SLC24A2: variants seen among roughly 807,000 people sequenced by gnomAD.
The protein encoded by SLC24A2 is solute carrier family 24 member 2.
Under a neutral mutation model 62.0 loss-of-function variants are expected in SLC24A2, and 36 were observed. The ratio of observed to expected loss-of-function variants is 0.58; its 90% CI spans 0.44 to 0.77. The LOEUF (loss-of-function observed/expected upper bound fraction) is 0.77. Among genes scored for constraint, SLC24A2 ranks in the 30% least tolerant of loss-of-function variants. The probability of loss-of-function intolerance (pLI) is 0.00; values close to 1 mark genes in which losing one functional copy is unlikely to be tolerated. For synonymous variants in SLC24A2, 358 were observed against 294.0 expected, an observed-to-expected ratio of 1.22 and a Z score of -2.23; for missense variants, 846 against 817.9, an observed-to-expected ratio of 1.03 and a Z score of -0.42.
chr9:20,135,370 T>C, the SLC24A2 span, among the ~76,000 whole-genome samples: 194 of 116,150 alleles, frequency 1.7e-3, 2 homozygotes, highest in African/African-American at 6.6e-3. Flanking sequence ...TTTTAATTTT[T>C]AATTACAATT....
At chr9:20,231,913 A>G in the SLC24A2 span, among the ~76,000 whole-genome samples, 1 of 152,188 alleles carries the variant, frequency 6.6e-6, no homozygotes, top group South Asian at 2.1e-4. Flanking sequence ...TGTCCCATCA[A>G]TATCTAATTT....
At chr9:19,818,028 A>G in the SLC24A2 span, among the ~76,000 whole-genome samples, 1 of 152,134 alleles carries the variant, frequency 6.6e-6, no homozygotes, top group East Asian at 1.9e-4. Context: ...CTTTACAGGC[A>G]TGAGCCACCA....
At chr9:20,291,659 A>G in the SLC24A2 span, among the ~76,000 whole-genome samples, 1 of 152,086 alleles carries the variant, frequency 6.6e-6, no homozygotes, top group East Asian at 1.9e-4. Context: ...CTGTGCCATC[A>G]CCTTCTTGTT....
At chr9:19,938,005 C>A in the SLC24A2 span, among the ~76,000 whole-genome samples, 3 of 152,038 alleles carry the variant, frequency 2.0e-5, no homozygotes, top group Non-Finnish European at 4.4e-5. Context: ...AAAAACAGTA[C>A]AGAATAGAAA....
At chr9:19,817,797 A>G in the SLC24A2 span, among the ~76,000 whole-genome samples, 4 of 152,072 alleles carry the variant, frequency 2.6e-5, no homozygotes, top group Non-Finnish European at 5.9e-5. Context: ...TGGTACAACC[A>G]TAGCTCACTG....
chr9:19,685,874 T>A (rs982271820), intron 2 of SLC24A2, among the ~76,000 whole-genome samples: 1 of 152,004 alleles, frequency 6.6e-6, no homozygotes, highest in South Asian at 2.1e-4. Flanking sequence ...CATTTCATGA[T>A]GAAGATGCCA....
chr9:19,888,416 T>C, the SLC24A2 span, among the ~76,000 whole-genome samples: 2 of 152,278 alleles, frequency 1.3e-5, no homozygotes, highest in East Asian at 3.9e-4. Flanking sequence ...CTGAAGAGTA[T>C]GCACCAAGCA....
At chr9:20,149,915 T>C in the SLC24A2 span, among the ~76,000 whole-genome samples, 2 of 152,034 alleles carry the variant, frequency 1.3e-5, no homozygotes, top group African/African-American at 4.8e-5. Flanking sequence ...TCACGGGTGA[T>C]AGTCATTAGT....
chr9:19,538,107 A>C (rs1299502629), intron 8 of SLC24A2, among the ~76,000 whole-genome samples: 3 of 39,444 alleles, frequency 7.6e-5, no homozygotes, highest in African/African-American at 3.6e-4. Context: ...TTTTGGGCTG[A>C]GACGATGGGG....
At chr9:19,959,269 G>A in the SLC24A2 span, among the ~76,000 whole-genome samples, 1 of 152,148 alleles carries the variant, frequency 6.6e-6, no homozygotes, top group South Asian at 2.1e-4. Flanking sequence ...CCCAATTGTG[G>A]CATGCAGAGA....
rs527393634 is a variant in SLC24A2 at position 19,632,550 on chromosome 9, C to T, written c.931-10251G>A. ...ATATGAAATCCTTGCTGACCTTTAT[C>T]GAGCACTAACTACAGTTGAAATACT... On this transcript the variant is annotated intron_variant, in intron 2 of 10. Coordinates refer to ENST00000341998, the MANE Select transcript of SLC24A2 (RefSeq NM_020344.4). The surrounding 1 kb of genome is among the most constrained non-coding windows in gnomAD (Gnocchi z 4.5). Among the ~76,000 whole-genome samples the T allele has an allele frequency of 1.6e-4, 24 of 152,190 alleles. No individual in the cohort carries two copies. The highest frequency in any genetic ancestry group is 5.8e-4 in the East Asian group (3 of 5,208).
chr9:20,008,338 T>C, the SLC24A2 span, among the ~76,000 whole-genome samples: 5 of 151,998 alleles, frequency 3.3e-5, no homozygotes, highest in Non-Finnish European at 5.9e-5. Flanking sequence ...TCTACAGAGG[T>C]GTCTTTGGAC....
Position 19,529,132 on chromosome 9 carries a change from CTT to C in SLC24A2, c.1480-996_1480-995del, listed in dbSNP as rs368483239. 1.1e-3 allele frequency among the ~76,000 whole-genome samples: 165 copies of C among 152,252 alleles called. 1 individual carries two copies. Among genetic ancestry groups the C allele is most frequent in the Middle Eastern group, 6.8e-3 (2 of 294 alleles). ...GCCTCTTGCCTATTATTGCCAAACA[CTT>C]TATTTGAAAGCTTTCCACGTTGAGA... On this transcript the variant is annotated intron_variant, in intron 8 of 10. Transcript: ENST00000341998.
At chr9:19,851,672 G>A in the SLC24A2 span, among the ~76,000 whole-genome samples, 2 of 152,084 alleles carry the variant, frequency 1.3e-5, no homozygotes, top group Non-Finnish European at 2.9e-5. Context: ...TCCTTTTTAT[G>A]GCTGCATAGT....
the SLC24A2 span, among the ~76,000 whole-genome samples, chr9:19,849,202 G>T: frequency 6.6e-6 from 1 of 152,244 alleles, no homozygotes; most frequent in South Asian, 2.1e-4. Context: ...GATAAAGTCA[G>T]TGAATGAGGC....
chr9:20,238,223 C>G, the SLC24A2 span, among the ~76,000 whole-genome samples: 1 of 152,156 alleles, frequency 6.6e-6, no homozygotes, highest in African/African-American at 2.4e-5. Context: ...CCCTCACATC[C>G]ACTCTAAGAG....
At chr9:20,158,754 T>C in the SLC24A2 span, among the ~76,000 whole-genome samples, 2 of 151,556 alleles carry the variant, frequency 1.3e-5, no homozygotes, top group Non-Finnish European at 1.5e-5. Flanking sequence ...TTGGTGCACT[T>C]ATAATGGGAG....
chr9:19,815,824 C>T, the SLC24A2 span, among the ~76,000 whole-genome samples: 1,338 of 152,214 alleles, frequency 8.8e-3, 25 homozygotes, highest in African/African-American at 0.031. Flanking sequence ...AAGTTCATAA[C>T]ATCACACTGG....
chr9:19,558,079 G>C (rs756747243), intron 7 of SLC24A2, among the ~76,000 whole-genome samples: 3 of 152,106 alleles, frequency 2.0e-5, no homozygotes, highest in African/African-American at 7.2e-5. Context: ...CTGGGATTAT[G>C]GGTGTGAGCT....
Sources: allele counts gnomAD v4.1 joint callset (sites outside exome capture counted in the v4.1 genomes callset), GRCh38; gene constraint gnomAD v4.1.1; non-coding constraint Gnocchi (gnomAD v3.1); transcripts MANE v1.5; gene names NCBI Gene and HGNC (gene_info 2026-07-23, HGNC 2026-07-21).